Variants in RGS17 observed in about 807,000 individuals in gnomAD.
The protein encoded by RGS17 is regulator of G protein signaling 17, also known as regulator of G-protein signaling 17.
In RGS17, 12 loss-of-function variants were observed where a neutral mutation model predicts 25.5. The observed-to-expected ratio is 0.47, with a 90% CI of 0.30 to 0.76. RGS17 has a LOEUF of 0.76. RGS17 is among the 30% of genes least tolerant of loss of function. The pLI is 0.07. For missense variants in RGS17, 196 were observed against 242.2 expected (o/e 0.81, Z 1.27); for synonymous variants, 71 against 76.9 (o/e 0.92, Z 0.40).
Position 153,084,116 on chromosome 6 carries a change from T to C in RGS17, c.-25-40073A>G, listed in dbSNP as rs13193190. Among the ~76,000 whole-genome samples, 1,465 of 152,244 alleles carry C rather than the reference T, an allele frequency of 9.6e-3. 9 individuals carry two copies. Among genetic ancestry groups the C allele is most frequent in the Non-Finnish European group, 0.015 (1,034 of 68,012 alleles). On this transcript the variant is annotated intron_variant, in intron 1 of 4. Transcript: ENST00000206262. The stretch of plus-strand genomic sequence containing the variant: ...CAGCCACAATGGGGAGAATTGGTCT[T>C]CTGGCATACAAGGTAGTAGAAGGAT...
At chr6:153,124,262 C>T (rs367974806) in intron 1 of RGS17, among the ~76,000 whole-genome samples, 8 of 152,140 alleles carry the variant, frequency 5.3e-5, no homozygotes, top group Middle Eastern at 3.2e-3. Context: ...AAAGGGGCCA[C>T]GTTTAATTAA....
chr6:153,053,127 C>T (rs568060560), intron 1 of RGS17, among the ~76,000 whole-genome samples: 1 of 152,094 alleles, frequency 6.6e-6, no homozygotes, highest in Non-Finnish European at 1.5e-5. Flanking sequence ...AAGACACAAC[C>T]AATATTCTCA....
chr6:153,048,253 T>C (rs1370641451), intron 1 of RGS17, among the ~76,000 whole-genome samples: 1 of 152,210 alleles, frequency 6.6e-6, no homozygotes, highest in Non-Finnish European at 1.5e-5. Flanking sequence ...CTCATCCTTC[T>C]CATTTTTCAC....
intron 4 of RGS17, among the ~76,000 whole-genome samples, chr6:153,015,831 T>C (rs1779177665): frequency 6.6e-6 from 1 of 152,092 alleles, no homozygotes; most frequent in Non-Finnish European, 1.5e-5. Context: ...TTTTTTGTAT[T>C]TTTAGTAGAG....
At chr6:153,061,675 G>T (rs1467692758) in intron 1 of RGS17, among the ~76,000 whole-genome samples, 1 of 150,822 alleles carries the variant, frequency 6.6e-6, no homozygotes, top group African/African-American at 2.5e-5. Flanking sequence ...ATCTTAAATG[G>T]GAATGAAGAG....
intron 1 of RGS17, among the ~76,000 whole-genome samples, chr6:153,102,520 T>A (rs1159743896): frequency 6.6e-6 from 1 of 152,122 alleles, no homozygotes; most frequent in Non-Finnish European, 1.5e-5. Flanking sequence ...CATCTCGTGT[T>A]GAGGGAGGGA....
At chr6:153,047,542 T>A (rs1397769884) in intron 1 of RGS17, among the ~76,000 whole-genome samples, 1 of 152,176 alleles carries the variant, frequency 6.6e-6, no homozygotes, top group East Asian at 1.9e-4. Context: ...CAAACCCCAA[T>A]TGTGATGGTA....
At chr6:153,024,182 C>A (rs1004802308) in intron 4 of RGS17, 80 bp downstream of exon 4, 9 of 884,378 alleles carry the variant, frequency 1.0e-5, no homozygotes, top group South Asian at 1.5e-5. Flanking sequence ...CACCCCATGC[C>A]CTACCCAATG....
At chr6:153,117,441 C>T (rs958598260) in intron 1 of RGS17, among the ~76,000 whole-genome samples, 2 of 152,138 alleles carry the variant, frequency 1.3e-5, no homozygotes, top group Non-Finnish European at 2.9e-5. Context: ...AAAGCCTAAC[C>T]ATATCAGGCA....
At chr6:153,099,245 T>C (rs1777260797) in intron 1 of RGS17, among the ~76,000 whole-genome samples, 1 of 152,202 alleles carries the variant, frequency 6.6e-6, no homozygotes, top group Admixed American at 6.5e-5. Flanking sequence ...TCACCTTCTC[T>C]TTTTCTCCTA....
intron 1 of RGS17, among the ~76,000 whole-genome samples, chr6:153,054,685 AT>A (rs1162807496): frequency 1.3e-5 from 2 of 151,216 alleles, no homozygotes; most frequent in Non-Finnish European, 2.9e-5. Flanking sequence ...AAATAAATAA[AT>A]AAATAAAAAG....
At chr6:153,019,441 A>G (rs1490380941) in intron 4 of RGS17, among the ~76,000 whole-genome samples, 1 of 152,154 alleles carries the variant, frequency 6.6e-6, no homozygotes, top group African/African-American at 2.4e-5. Context: ...GTCTTTTGAT[A>G]TCGTTTGGAT....
chr6:153,005,579 A>C lies in RGS17; in HGVS notation c.*5995T>G, dbSNP rs1779066154. 1 of 152,210 alleles carries C rather than the reference A, an allele frequency of 6.6e-6. No individual in the cohort carries two copies. The highest frequency in any genetic ancestry group is 1.5e-5 in the Non-Finnish European group (1 of 68,042). 9.4% of individuals were successfully genotyped at this position (152,210 alleles called of 1,614,324 possible). Reference sequence around the variant, plus strand: ...GTCACAGCTAAGACGAGTCCCGGTGATGGCATATACCTTTGATACCATGTG... The same window carrying C: ...GTCACAGCTAAGACGAGTCCCGGTGCTGGCATATACCTTTGATACCATGTG... On this transcript the variant is annotated 3_prime_UTR_variant, in exon 5 of 5. Transcript: ENST00000206262.
rs916640896 is a variant in RGS17, at chr6:153,006,195, T to C, written c.*5379A>G. ...GTTTTTATTTTCATTGTAAAATTGT[T>C]AAAGAAAATCATACCACCTTAATAT... On this transcript the variant is annotated 3_prime_UTR_variant, in exon 5 of 5. Coordinates refer to ENST00000206262, the MANE Select transcript of RGS17 (RefSeq NM_012419.5). 2 of 152,192 alleles carry C rather than the reference T, an allele frequency of 1.3e-5. No homozygotes were observed. Among genetic ancestry groups the C allele is most frequent in the Non-Finnish European group, 2.9e-5 (2 of 68,038 alleles). 9.4% of individuals were successfully genotyped at this position (152,192 alleles called of 1,614,324 possible).
At chr6:153,129,362 T>C (rs746623372) in intron 1 of RGS17, among the ~76,000 whole-genome samples, 4 of 152,170 alleles carry the variant, frequency 2.6e-5, no homozygotes, top group African/African-American at 4.8e-5. Flanking sequence ...TTCCATTAGA[T>C]AGGAGTGCTA....
At position 153,009,809 on chromosome 6, in the gene RGS17, C is replaced by A. The variant is rs1779113165; in HGVS notation, c.*1765G>T. 1 of 151,872 alleles carries A rather than the reference C, an allele frequency of 6.6e-6. No individual in the cohort carries two copies. Among genetic ancestry groups the A allele is most frequent in the African/African-American group, 2.4e-5 (1 of 41,404 alleles). The allele number at this position is 151,872 out of a possible 1,614,324, so 9.4% of individuals were successfully genotyped here. A position where few individuals can be genotyped will look rare whatever the true frequency, so the allele number is the denominator to read the frequency against. ...AAAAATCCCATTTTGTCAAACACTG[C>A]AACAGTTAAAATATTTGCATAGGGA... On this transcript the variant is annotated 3_prime_UTR_variant, in exon 5 of 5. Coordinates refer to ENST00000206262, the MANE Select transcript of RGS17 (RefSeq NM_012419.5).
chr6:153,039,112 G>A (rs956477098), intron 2 of RGS17, among the ~76,000 whole-genome samples: 1 of 152,144 alleles, frequency 6.6e-6, no homozygotes, highest in Non-Finnish European at 1.5e-5. Context: ...TGAGAAAGTT[G>A]TGTTTGGAAA....
chr6:153,099,475 G>T (rs1490875324), intron 1 of RGS17, among the ~76,000 whole-genome samples: 2 of 152,096 alleles, frequency 1.3e-5, no homozygotes, highest in African/African-American at 2.4e-5. Context: ...AATTAGAGAA[G>T]CATAAGTGAG....
At chr6:153,022,408 A>C (rs949317398) in intron 4 of RGS17, among the ~76,000 whole-genome samples, 1 of 152,224 alleles carries the variant, frequency 6.6e-6, no homozygotes, top group African/African-American at 2.4e-5. Context: ...TACATAAAAA[A>C]CTAAACATTA....
Sources: allele counts gnomAD v4.1 joint callset (sites outside exome capture counted in the v4.1 genomes callset), GRCh38; gene constraint gnomAD v4.1.1; transcripts MANE v1.5; gene names NCBI Gene and HGNC (gene_info 2026-07-23, HGNC 2026-07-21).